The following SLC35D2 variants were observed in gnomAD, a reference collection of about 807,000 sequenced individuals.
The protein encoded by SLC35D2 is solute carrier family 35 member D2, also known as nucleotide sugar transporter SLC35D2.
SLC35D2 carries 43 observed loss-of-function variants against 41.8 expected under a neutral mutation model. The ratio of observed to expected loss-of-function variants is 1.03; its 90% CI spans 0.81 to 1.33. The LOEUF (loss-of-function observed/expected upper bound fraction) is 1.33, where lower values mean the gene tolerates loss of function less well. Ranked by LOEUF, SLC35D2 falls within the 40% of genes most tolerant of loss-of-function variation. SLC35D2 has a pLI of 0.00. For missense variants in SLC35D2, 380 were observed against 408.4 expected, an observed-to-expected ratio of 0.93 and a Z score of 0.60; for synonymous variants, 150 against 163.9, an observed-to-expected ratio of 0.92 and a Z score of 0.65.
In SLC35D2 at chr9:96,352,058, A is replaced by C. The variant is rs1829834145; in HGVS notation, c.399T>G (p.Leu133=). 2 of 1,612,222 alleles carry C rather than the reference A, an allele frequency of 1.2e-6. No individual in the cohort carries two copies. Among genetic ancestry groups the C allele is most frequent in the Non-Finnish European group, 1.7e-6 (2 of 1,178,862 alleles). ...LRKFTIPLTL[L]LETIILGKQY... ...ATCACCCAAGTATGATGGTTTCCAGAAGTAAGGTAAGTGGAATGGTGAATT... is the reference window on the plus strand; with the variant it reads ...ATCACCCAAGTATGATGGTTTCCAGCAGTAAGGTAAGTGGAATGGTGAATT... The change falls in exon 5 of 12, where the codon CTT becomes CTG. Residue 133 remains leucine (L), a synonymous_variant. Transcript: ENST00000253270.
At position 96,378,092 on chromosome 9, in the gene SLC35D2, T is replaced by TA. The variant is rs11313136; in HGVS notation, c.158+5384dup. Among the ~76,000 whole-genome samples, 805 of 151,758 alleles carry TA rather than the reference T, an allele frequency of 5.3e-3. 3 individuals carry two copies. Among genetic ancestry groups the TA allele is most frequent in the Non-Finnish European group, 7.1e-3 (484 of 67,914 alleles). On this transcript the variant is annotated intron_variant, in intron 1 of 11. Coordinates refer to ENST00000253270, the MANE Select transcript of SLC35D2 (RefSeq NM_007001.3). The stretch of plus-strand genomic sequence containing the variant: ...AGGATTCCAATTCAGTACCTTTTAT[T>TA]AAAAAAAACCTCTCCAAGTGATTAA...
At chr9:96,341,947 A>AAAAT (rs1554712405) in intron 8 of SLC35D2, among the ~76,000 whole-genome samples, 1,963 of 151,036 alleles carry the variant, frequency 0.013, 37 homozygotes, top group African/African-American at 0.045. Flanking sequence ...GGAAAAAAAA[A>AAAAT]ATATATATAT....
At chr9:96,337,988 A>AC (rs1445096406) in intron 8 of SLC35D2, among the ~76,000 whole-genome samples, 1 of 147,090 alleles carries the variant, frequency 6.8e-6, no homozygotes, top group African/African-American at 2.5e-5. Context: ...CCTCAAAAAA[A>AC]AAAAAAAAAA....
chr9:96,352,617 T>C (rs67848022), intron 4 of SLC35D2, among the ~76,000 whole-genome samples: 4,366 of 151,776 alleles, frequency 0.029, 82 homozygotes, highest in Middle Eastern at 0.058. Flanking sequence ...CCACCGCACC[T>C]GGGCTTCACT....
At chr9:96,331,873 G>A (rs1343275916) in intron 9 of SLC35D2, among the ~76,000 whole-genome samples, 1 of 152,192 alleles carries the variant, frequency 6.6e-6, no homozygotes, top group East Asian at 1.9e-4. Flanking sequence ...GCATTTGAGG[G>A]ATGTAGGTTG....
intron 3 of SLC35D2, among the ~76,000 whole-genome samples, chr9:96,362,771 A>C (rs1175273914): frequency 6.6e-6 from 1 of 152,118 alleles, no homozygotes; most frequent in African/African-American, 2.4e-5. Context: ...AAGAGTAAGT[A>C]AGCCCAGTAA....
downstream of SLC35D2, among the ~76,000 whole-genome samples, chr9:96,318,606 G>T (rs1037811666): frequency 3.3e-5 from 5 of 151,852 alleles, no homozygotes; most frequent in Non-Finnish European, 5.9e-5. Flanking sequence ...TAAATAAATG[G>T]CCAACAAGTA....
chr9:96,383,661 C>G lies in SLC35D2; in HGVS notation c.-27G>C, dbSNP rs1449526926. ...TCCTGCGGCCCCGCGGACCCCGCCG[C>G]CCGCCAGCCCCGGCTGCGCACTGGT... On this transcript the variant is annotated 5_prime_UTR_variant, in exon 1 of 12. Coordinates refer to ENST00000253270, the MANE Select transcript of SLC35D2 (RefSeq NM_007001.3). 3.0e-6 allele frequency: 3 copies of G among 1,010,098 alleles called. No homozygotes were observed. The East Asian group carries it at 3.1e-4, about 105-fold the overall frequency. 62.6% of individuals were successfully genotyped at this position (1,010,098 alleles called of 1,614,324 possible). A position where few individuals can be genotyped will look rare whatever the true frequency, so the allele number is the denominator to read the frequency against.
rs546643015 is a variant in SLC35D2 at position 96,350,030 on chromosome 9, A to C, written c.488+1073T>G. On this transcript the variant is annotated intron_variant, in intron 6 of 11. Transcript: ENST00000253270. ...GCCCTATACCTGCGGTGTGAATTGG[A>C]GCACTGAGACCCCAGAGCCAGCTTT... Among the ~76,000 whole-genome samples, 3 of 152,284 alleles carry C rather than the reference A, an allele frequency of 2.0e-5. No homozygotes were observed. In the East Asian group the frequency reaches 5.8e-4, roughly 29 times the overall value.
intron 9 of SLC35D2, among the ~76,000 whole-genome samples, chr9:96,329,552 C>A (rs1828713209): frequency 6.6e-6 from 1 of 152,196 alleles, no homozygotes; most frequent in Non-Finnish European, 1.5e-5. Context: ...TTCTCACCTG[C>A]ATTTTCACAT....
At chr9:96,347,973 G>A (rs140638201) in intron 6 of SLC35D2, among the ~76,000 whole-genome samples, 119 of 152,306 alleles carry the variant, frequency 7.8e-4, no homozygotes, top group African/African-American at 2.7e-3. Flanking sequence ...TCCACCCCTT[G>A]TTTAGCAAAT....
chr9:96,355,749 G>A (rs1304998335), intron 4 of SLC35D2, among the ~76,000 whole-genome samples: 1 of 151,994 alleles, frequency 6.6e-6, no homozygotes, highest in Non-Finnish European at 1.5e-5. Flanking sequence ...CACCTGCCTT[G>A]GCCTCCAAAG....
chr9:96,334,432 G>A (rs1171826691), intron 9 of SLC35D2, among the ~76,000 whole-genome samples: 1 of 152,166 alleles, frequency 6.6e-6, no homozygotes. Flanking sequence ...GAGGTCAGGA[G>A]TTTGAGACCA....
At chr9:96,345,015 GTGAT>G (rs2130912997) in intron 7 of SLC35D2, among the ~76,000 whole-genome samples, 1 of 152,252 alleles carries the variant, frequency 6.6e-6, no homozygotes, top group Non-Finnish European at 1.5e-5. Flanking sequence ...CCTTGCCTTG[GTGAT>G]TGATGATGCT....
chr9:96,336,067 A>G (rs1829038868), intron 9 of SLC35D2, among the ~76,000 whole-genome samples: 1 of 149,446 alleles, frequency 6.7e-6, no homozygotes. Flanking sequence ...AAAAAAAAAG[A>G]AAGAAAGAAA....
intron 11 of SLC35D2, among the ~76,000 whole-genome samples, chr9:96,321,694 G>A (rs1398470984): frequency 6.6e-6 from 1 of 152,068 alleles, no homozygotes; most frequent in Non-Finnish European, 1.5e-5. Context: ...GAGCCTAGTG[G>A]GCACAAAGGT....
rs146598929 is a variant in SLC35D2 at position 96,353,799 on chromosome 9, G to A, written c.348-1690C>T. ...CAGAGATTCCACGATGCAGCTCAGC[G>A]CATAGTCAACAGACTGCCAGGGCTG... On this transcript the variant is annotated intron_variant, in intron 4 of 11. Transcript: ENST00000253270. Among the ~76,000 whole-genome samples the A allele has an allele frequency of 1.8e-4, 28 of 152,272 alleles. No individual in the cohort carries two copies. The East Asian group carries it at 4.8e-3, about 26-fold the overall frequency.
At chr9:96,346,543 G>A (rs1829583286) in intron 6 of SLC35D2, among the ~76,000 whole-genome samples, 1 of 152,154 alleles carries the variant, frequency 6.6e-6, no homozygotes, top group South Asian at 2.1e-4. Flanking sequence ...GGAGAAGGCA[G>A]CAAACTTCCT....
chr9:96,316,604 C>T (rs10990407), downstream of SLC35D2, among the ~76,000 whole-genome samples: 6,442 of 152,190 alleles, frequency 0.042, 179 homozygotes, highest in Non-Finnish European at 0.064. Context: ...CCCTGACAGT[C>T]TGCATTTCTA....
Sources: gnomAD v4.1 joint callset for allele counts (sites outside exome capture counted in the v4.1 genomes callset) on GRCh38, gnomAD v4.1.1 for gene constraint, MANE v1.5 for transcripts, NCBI Gene and HGNC (gene_info 2026-07-23, HGNC 2026-07-21) for gene names.